The following EHD1 variants were observed in gnomAD, a reference collection of about 807,000 sequenced individuals.
EHD1 encodes the protein EH domain-containing protein 1.
Under a neutral mutation model 39.0 loss-of-function variants are expected in EHD1, and 19 were observed. The ratio of observed to expected loss-of-function variants is 0.49; its 90% CI spans 0.34 to 0.72. The LOEUF (loss-of-function observed/expected upper bound fraction) is 0.72. Ranked by LOEUF, EHD1 falls within the 30% of genes least tolerant of loss-of-function variation. The pLI is 0.01. For missense variants in EHD1, 542 were observed against 751.5 expected, an observed-to-expected ratio of 0.72 and a Z score of 3.26; for synonymous variants, 323 against 331.2, an observed-to-expected ratio of 0.98 and a Z score of 0.27.
At chr11:64,855,215 G>T in intron 4 of EHD1, 107 bp downstream of exon 4, 1 of 1,458,570 alleles carries the variant, frequency 6.9e-7, no homozygotes, top group East Asian at 2.4e-5. Flanking sequence ...CTTCCGTTCA[G>T]GGAGGCCCTT....
At chr11:64,856,865 G>A (rs1185948371) in intron 3 of EHD1, among the ~76,000 whole-genome samples, 3 of 152,244 alleles carry the variant, frequency 2.0e-5, no homozygotes, top group East Asian at 1.9e-4. Flanking sequence ...GTGTGCCTGG[G>A]GCCTGGCAGT....
chr11:64,860,035 G>A lies in EHD1; in HGVS notation c.804C>T (p.Arg268=). The A allele has an allele frequency of 6.2e-7, 1 of 1,614,168 alleles. No homozygotes were observed. The highest frequency in any genetic ancestry group is 8.5e-7 in the Non-Finnish European group (1 of 1,180,042). ...CCTGCTCCTCGGCCTCAAAGAGCTT[G>A]CGGTTGTCGGGGATGAGGAGCGGGT... ...WSHPLLIPDN[R]KLFEAEEQDL... The change falls in exon 3 of 5, where the codon CGC becomes CGT. Residue 268 remains arginine, a synonymous_variant. Transcript: ENST00000320631.
At chr11:64,865,175 A>G (rs574002083) in intron 2 of EHD1, among the ~76,000 whole-genome samples, 1 of 152,358 alleles carries the variant, frequency 6.6e-6, no homozygotes, top group East Asian at 1.9e-4. Flanking sequence ...GGGCCACAGC[A>G]CTCAGGCCTG....
In EHD1 at chr11:64,859,895, T is replaced by C. The variant is rs529349093; in HGVS notation, c.915+29A>G. On this transcript the variant is annotated intron_variant, in intron 3 of 4. Coordinates refer to ENST00000320631, the MANE Select transcript of EHD1 (RefSeq NM_006795.4). ...AGAGCCCCATGGCCCTGCCTGGCAA[T>C]AGGCTGCTCCCCTCACCCCAGGGTC... The C allele has an allele frequency of 1.6e-4, 255 of 1,586,636 alleles. No individual in the cohort carries two copies. In the East Asian group the frequency reaches 5.4e-3, roughly 34 times the overall value.
chr11:64,870,260 G>C (rs1410190438), intron 2 of EHD1, among the ~76,000 whole-genome samples: 5 of 152,152 alleles, frequency 3.3e-5, no homozygotes, highest in African/African-American at 1.2e-4. Context: ...TCTGACCCAA[G>C]CTCCCGGCAC....
At chr11:64,855,618 C>T (rs1943642988) in intron 3 of EHD1, 132 bp from the exon 4 acceptor site, 3 of 1,345,406 alleles carry the variant, frequency 2.2e-6, no homozygotes, top group East Asian at 2.3e-5. Flanking sequence ...ATGGGTCAAG[C>T]TCAAGGCCGC....
At position 64,859,757 on chromosome 11, in the gene EHD1, C is replaced by T. The variant is rs147389318; in HGVS notation, c.915+167G>A. The T allele has an allele frequency of 7.2e-3, 6,928 of 964,918 alleles. 37 individuals carry two copies. The highest frequency in any genetic ancestry group is 8.9e-3 in the Non-Finnish European group (6,023 of 674,184). The allele number at this position is 964,918 out of a possible 1,614,324, so 59.8% of individuals were successfully genotyped here. A position where few individuals can be genotyped will look rare whatever the true frequency, so the allele number is the denominator to read the frequency against. ...ATCTTAGTTAAGAGCAGGCTGCACG[C>T]GGGTGCTGACCAAAGACTGGTTTCT... On this transcript the variant is annotated intron_variant, in intron 3 of 4. Transcript: ENST00000320631.
chr11:64,877,208 T>G (rs555598906), intron 1 of EHD1, among the ~76,000 whole-genome samples: 1 of 152,254 alleles, frequency 6.6e-6, no homozygotes, highest in East Asian at 1.9e-4. Flanking sequence ...AAAGTGAGCT[T>G]GGGCATTGCA....
rs1452783038 is a variant in EHD1, at chr11:64,852,994, A to C, written c.*1339T>G. 6.6e-6 allele frequency: 1 copy of C among 152,198 alleles called. No homozygotes were observed. The highest frequency in any genetic ancestry group is 1.5e-5 in the Non-Finnish European group (1 of 68,068). 9.4% of individuals were successfully genotyped at this position (152,198 alleles called of 1,614,324 possible). A position where few individuals can be genotyped will look rare whatever the true frequency, so the allele number is the denominator to read the frequency against. The stretch of plus-strand genomic sequence containing the variant: ...CCAGCTGTGTGGTACCTGGTGCTCC[A>C]CCTGCCTTGGTGCCATCACAGCCCG... On this transcript the variant is annotated 3_prime_UTR_variant, in exon 5 of 5. Transcript: ENST00000320631.
At chr11:64,873,594 CAAGA>C (rs1565724449) in intron 2 of EHD1, among the ~76,000 whole-genome samples, 2 of 152,090 alleles carry the variant, frequency 1.3e-5, no homozygotes, top group African/African-American at 4.8e-5. Flanking sequence ...CCCAGGGAGC[CAAGA>C]AAGAAAGCAG....
chr11:64,858,620 G>A (rs891717677), intron 3 of EHD1, among the ~76,000 whole-genome samples: 11 of 152,218 alleles, frequency 7.2e-5, no homozygotes, highest in Non-Finnish European at 1.5e-4. Flanking sequence ...TCCTGTCCAC[G>A]GGGTCAACCC....
chr11:64,871,552 A>G (rs1320722082), intron 2 of EHD1, among the ~76,000 whole-genome samples: 2 of 152,252 alleles, frequency 1.3e-5, no homozygotes, highest in Non-Finnish European at 2.9e-5. Flanking sequence ...AGTAAAACAC[A>G]TCTAAACCAA....
At chr11:64,874,314 A>AAG (rs1592754411) in intron 2 of EHD1, 107 bp downstream of exon 2, 1 of 1,068,620 alleles carries the variant, frequency 9.4e-7, no homozygotes, top group East Asian at 2.8e-5. Flanking sequence ...AAAAAAAAAA[A>AAG]AAAAAAAGGA....
intron 2 of EHD1, among the ~76,000 whole-genome samples, chr11:64,863,831 C>T (rs768957975): frequency 2.0e-5 from 3 of 152,252 alleles, no homozygotes; most frequent in Non-Finnish European, 4.4e-5. Flanking sequence ...CAGTTACTTT[C>T]TCCATCTGTG....
intron 2 of EHD1, among the ~76,000 whole-genome samples, chr11:64,862,755 T>C (rs1943728458): frequency 6.6e-6 from 1 of 152,136 alleles, no homozygotes; most frequent in Non-Finnish European, 1.5e-5. Context: ...AGGCCTGTAG[T>C]CCCAGCTACT....
intron 3 of EHD1, 117 bp from the exon 4 acceptor site, chr11:64,855,603 G>A: frequency 6.7e-7 from 1 of 1,497,058 alleles, no homozygotes; most frequent in Non-Finnish European, 9.0e-7. Context: ...AGGGAAGCAG[G>A]AGGGATGGGT....
chr11:64,854,540 G>T lies in EHD1; in HGVS notation c.1398C>A (p.Asn466Lys). The T allele has an allele frequency of 6.2e-7, 1 of 1,614,178 alleles. No homozygotes were observed. Among genetic ancestry groups the T allele is most frequent in the Non-Finnish European group, 8.5e-7 (1 of 1,180,012 alleles). Residue 466 changes from asparagine (N) to lysine (K), a missense_variant, in exon 5 of 5, where the codon AAC becomes AAA. By Grantham distance (94) the Asn-to-Lys change is moderately conservative. Coordinates refer to ENST00000320631, the MANE Select transcript of EHD1 (RefSeq NM_006795.4). ...SPVNGKITGA[N>K]AKKEMVKSKL... ...TGGACTTCACCATCTCCTTCTTGGC[G>T]TTGGCGCCCGTGATCTTGCCGTTGA...
At chr11:64,879,197 C>G, upstream of EHD1, 1 of 1,064,678 alleles carries the variant, frequency 9.4e-7, no homozygotes, top group Middle Eastern at 4.5e-4. Context: ...GGTAGCAGAG[C>G]AAGCTGAGGG....
intron 2 of EHD1, among the ~76,000 whole-genome samples, chr11:64,861,478 C>T (rs1011918952): frequency 7.2e-5 from 11 of 152,156 alleles, no homozygotes; most frequent in South Asian, 2.1e-4. Flanking sequence ...TGACAAGAGG[C>T]GCCTGCAAAA....
Sources: allele counts gnomAD v4.1 joint callset (sites outside exome capture counted in the v4.1 genomes callset), GRCh38; gene constraint gnomAD v4.1.1; transcripts MANE v1.5; gene names NCBI Gene and HGNC (gene_info 2026-07-23, HGNC 2026-07-21).